The following DNAJC17 variants were observed in gnomAD, a reference collection of about 807,000 sequenced individuals.
DNAJC17 encodes the protein DnaJ heat shock protein family (Hsp40) member C17.
A neutral mutation model predicts 48.1 loss-of-function variants in DNAJC17; 35 were observed. That is an observed-to-expected ratio of 0.73 (90% CI 0.56 to 0.96). DNAJC17 has a LOEUF of 0.96. Among genes scored for constraint, DNAJC17 ranks in the 50% least tolerant of loss-of-function variants. DNAJC17 has a pLI of 0.00. For synonymous variants in DNAJC17, 117 were observed against 142.7 expected (o/e 0.82, Z 1.28); for missense variants, 355 against 377.1 (o/e 0.94, Z 0.48).
intron 1 of DNAJC17, among the ~76,000 whole-genome samples, chr15:40,804,974 C>A (rs535221571): frequency 5.9e-5 from 9 of 152,118 alleles, no homozygotes; most frequent in Admixed American, 4.6e-4. Context: ...TGCACTCCAG[C>A]CTAGGCAAGA....
chr15:40,770,325 T>A lies in DNAJC17; in HGVS notation c.793-2263A>T. The A allele has an allele frequency of 1.5e-6, 1 of 665,322 alleles. No homozygotes were observed. Among genetic ancestry groups the A allele is most frequent in the Non-Finnish European group, 2.5e-6 (1 of 400,658 alleles). 41.2% of individuals were successfully genotyped at this position (665,322 alleles called of 1,614,324 possible). ...CCTGGGCAAAAAAGTTCCTTCTTCC[T>A]GAGCCCTCCTCTCACCATCCAAGAT... On this transcript the variant is annotated intron_variant, in intron 10 of 10. Transcript: ENST00000220496. The surrounding 1 kb of genome is among the most constrained non-coding windows in gnomAD (Gnocchi z 5.0).
chr15:40,800,222 T>C (rs1390037781), intron 1 of DNAJC17, among the ~76,000 whole-genome samples: 4 of 152,122 alleles, frequency 2.6e-5, no homozygotes, highest in Non-Finnish European at 5.9e-5. Context: ...CAACTGCCAC[T>C]ACGCCCAGCT....
intron 7 of DNAJC17, 64 bp from the exon 8 acceptor site, chr15:40,775,172 C>G (rs1889284903): frequency 6.4e-7 from 1 of 1,550,934 alleles, no homozygotes; most frequent in African/African-American, 1.4e-5. Flanking sequence ...CACGACTGAG[C>G]TTGACAGTCT....
At chr15:40,788,606 G>T (rs1057186824) in intron 1 of DNAJC17, among the ~76,000 whole-genome samples, 3 of 151,312 alleles carry the variant, frequency 2.0e-5, no homozygotes, top group Non-Finnish European at 4.4e-5. Flanking sequence ...TGAGGCAGGA[G>T]AATGGCATGA....
chr15:40,769,816 A>G lies in DNAJC17; in HGVS notation c.793-1754T>C, dbSNP rs1158307537. The stretch of plus-strand genomic sequence containing the variant: ...TGACACATAAAGCAGGGCTGCCCCC[A>G]CACGAGTCCCCAGAGGAATCTTAAG... On this transcript the variant is annotated intron_variant, in intron 10 of 10. Transcript: ENST00000220496. The surrounding 1 kb of genome is among the most constrained non-coding windows in gnomAD (Gnocchi z 4.2). 6.6e-6 allele frequency: 1 copy of G among 152,388 alleles called. No homozygotes were observed. The highest frequency in any genetic ancestry group is 1.5e-5 in the Non-Finnish European group (1 of 68,212). The allele number at this position is 152,388 out of a possible 1,614,324, so 9.4% of individuals were successfully genotyped here.
chr15:40,806,157 A>T (rs989812080), intron 1 of DNAJC17, among the ~76,000 whole-genome samples: 2 of 150,080 alleles, frequency 1.3e-5, no homozygotes, highest in Admixed American at 6.6e-5. Flanking sequence ...TCAAAAGCTC[A>T]CTCACCCCAT....
rs1889105922 is a variant in DNAJC17, at chr15:40,770,648, C to T, written c.793-2586G>A. On this transcript the variant is annotated intron_variant, in intron 10 of 10. Coordinates refer to ENST00000220496, the MANE Select transcript of DNAJC17 (RefSeq NM_018163.3). The surrounding 1 kb of genome is among the most constrained non-coding windows in gnomAD (Gnocchi z 5.0). ...ACGAGGAGTACAGCAACCGAGAAGT[C>T]ATCCGGGAGCTACAAGGGAGGCCAG... 2 of 1,550,196 alleles carry T rather than the reference C, an allele frequency of 1.3e-6. No homozygotes were observed. The highest frequency in any genetic ancestry group is 1.7e-6 in the Non-Finnish European group (2 of 1,146,972).
At chr15:40,782,091 T>G (rs777139425) in intron 1 of DNAJC17, among the ~76,000 whole-genome samples, 1 of 151,822 alleles carries the variant, frequency 6.6e-6, no homozygotes, top group Non-Finnish European at 1.5e-5. Flanking sequence ...CCAGGTGTGG[T>G]AGCATGTGCC....
intron 9 of DNAJC17, 63 bp from the exon 10 acceptor site, chr15:40,773,900 A>C: frequency 7.1e-7 from 1 of 1,411,416 alleles, no homozygotes; most frequent in Non-Finnish European, 9.8e-7. Flanking sequence ...GGCTCTCTCT[A>C]CCCCCACAGA....
chr15:40,776,944 G>A (rs1889343484), intron 4 of DNAJC17: 2 of 264,524 alleles, frequency 7.6e-6, no homozygotes, highest in South Asian at 6.3e-5. Flanking sequence ...TGTCAGGGGT[G>A]CCAATGGGCG....
At chr15:40,785,042 G>A (rs1226574694) in intron 1 of DNAJC17, among the ~76,000 whole-genome samples, 1 of 152,114 alleles carries the variant, frequency 6.6e-6, no homozygotes, top group Non-Finnish European at 1.5e-5. Flanking sequence ...AGCTTGCAGT[G>A]AGCCGAGATC....
chr15:40,770,222 A>C lies in DNAJC17; in HGVS notation c.793-2160T>G, dbSNP rs1596071853. On this transcript the variant is annotated intron_variant, in intron 10 of 10. Transcript: ENST00000220496. The surrounding 1 kb of genome is among the most constrained non-coding windows in gnomAD (Gnocchi z 5.0). ...GCTTCTTCCTCCTGGGTTTTTTTCCACTACCCTATTCAGTAACCAGGCCAC... is the reference window on the plus strand; with the variant it reads ...GCTTCTTCCTCCTGGGTTTTTTTCCCCTACCCTATTCAGTAACCAGGCCAC... The C allele has an allele frequency of 2.5e-6, 1 of 401,838 alleles. No individual in the cohort carries two copies. The highest frequency in any genetic ancestry group is 4.4e-6 in the Non-Finnish European group (1 of 225,026). The allele number at this position is 401,838 out of a possible 1,614,324, so 24.9% of individuals were successfully genotyped here. A position where few individuals can be genotyped will look rare whatever the true frequency, so the allele number is the denominator to read the frequency against.
chr15:40,772,672 C>T (rs552512166), intron 10 of DNAJC17, among the ~76,000 whole-genome samples: 3 of 152,326 alleles, frequency 2.0e-5, no homozygotes, highest in African/African-American at 7.2e-5. Flanking sequence ...CTCCTGCCAG[C>T]CTGCTGAGGG....
intron 1 of DNAJC17, among the ~76,000 whole-genome samples, chr15:40,795,970 G>A (rs1164345054): frequency 6.6e-6 from 1 of 152,266 alleles, no homozygotes; most frequent in East Asian, 1.9e-4. Flanking sequence ...GCTTTCTAGA[G>A]TCAGGGCTGC....
In DNAJC17 at chr15:40,802,168, A is replaced by ATTT. The variant is rs759016627; in HGVS notation, c.78+5198_78+5200dup. 1.5e-3 allele frequency among the ~76,000 whole-genome samples: 203 copies of ATTT among 134,000 alleles called. 2 individuals carry two copies. The highest frequency in any genetic ancestry group is 5.6e-3 in the African/African-American group (195 of 34,888). 87.9% of individuals were successfully genotyped at this position (134,000 alleles called of 152,430 possible). Reference sequence around the variant, plus strand: ...TTGGAGAGAGAATTGAAAGAGTTCAATTTTTTTTTTTTTTTTTTTCGAGAC... The same window carrying ATTT: ...TTGGAGAGAGAATTGAAAGAGTTCAATTTTTTTTTTTTTTTTTTTTTTCGAGAC... On this transcript the variant is annotated intron_variant, in intron 1 of 10. Coordinates refer to ENST00000220496, the MANE Select transcript of DNAJC17 (RefSeq NM_018163.3).
intron 8 of DNAJC17, 111 bp downstream of exon 8, chr15:40,774,920 A>G (rs1176686256): frequency 4.3e-6 from 5 of 1,160,076 alleles, no homozygotes; most frequent in Non-Finnish European, 6.3e-6. Context: ...ACAGAAAAAA[A>G]AAGCAAGTAG....
intron 1 of DNAJC17, among the ~76,000 whole-genome samples, chr15:40,800,931 C>T (rs1039871489): frequency 6.6e-6 from 1 of 150,578 alleles, no homozygotes; most frequent in Non-Finnish European, 1.5e-5. Flanking sequence ...ATGCTCCAGC[C>T]TGGGCGACAG....
chr15:40,779,744 G>A (rs949916560), intron 2 of DNAJC17, 141 bp from the exon 3 acceptor site: 5 of 1,121,750 alleles, frequency 4.5e-6, no homozygotes, highest in South Asian at 1.5e-5. Context: ...GACCAACAAG[G>A]AGGGGTGAGC....
chr15:40,794,055 A>G (rs1282648376), intron 1 of DNAJC17, among the ~76,000 whole-genome samples: 5 of 152,218 alleles, frequency 3.3e-5, no homozygotes, highest in Admixed American at 3.3e-4. Context: ...AACAATTCTT[A>G]GCCTTACACA....
Sources: allele counts gnomAD v4.1 joint callset (sites outside exome capture counted in the v4.1 genomes callset), GRCh38; gene constraint gnomAD v4.1.1; non-coding constraint Gnocchi (gnomAD v3.1); transcripts MANE v1.5; gene names NCBI Gene and HGNC (gene_info 2026-07-23, HGNC 2026-07-21).